CFAP97D1: variants seen among roughly 807,000 people sequenced by gnomAD.
CFAP97D1 encodes the protein CFAP97 domain containing 1, also known as sperm axonemal maintenance protein CFAP97D1.
CFAP97D1 carries 15 observed loss-of-function variants against 20.5 expected under a neutral mutation model. The observed-to-expected ratio is 0.73, with a 90% CI of 0.49 to 1.13. The LOEUF (loss-of-function observed/expected upper bound fraction) is 1.13. CFAP97D1 is among the 50% of genes most tolerant of loss of function. The pLI is 0.00. For missense variants in CFAP97D1, 168 were observed against 202.9 expected, an observed-to-expected ratio of 0.83 and a Z score of 1.04; for synonymous variants, 58 against 71.2, an observed-to-expected ratio of 0.82 and a Z score of 0.93.
At chr17:43,781,568 G>A (rs984736046) in intron 2 of CFAP97D1, among the ~76,000 whole-genome samples, 16 of 152,042 alleles carry the variant, frequency 1.1e-4, no homozygotes, top group African/African-American at 3.4e-4. Flanking sequence ...ATTACCTCCC[G>A]CCTGCCTCGG....
chr17:43,783,160 C>T lies in CFAP97D1; in HGVS notation c.315-20C>T, dbSNP rs1030203175. 2.3e-5 allele frequency: 36 copies of T among 1,551,368 alleles called. No homozygotes were observed. The highest frequency in any genetic ancestry group is 2.4e-5 in the East Asian group (1 of 40,940). ...TGAGCATTTCCTTCTTCACCCATTT[C>T]GGGGTTTTGTGTTTTTCAGCTTAAA... On this transcript the variant is annotated intron_variant, in intron 3 of 5. Transcript: ENST00000449302.
Position 43,781,805 on chromosome 17 carries a change from A to G in CFAP97D1, c.227A>G (p.Tyr76Cys). 6.4e-7 allele frequency: 1 copy of G among 1,551,670 alleles called. No homozygotes were observed. Among genetic ancestry groups the G allele is most frequent in the Middle Eastern group, 1.7e-4 (1 of 5,992 alleles). Residue 76 changes from tyrosine (Y) to cysteine (C), a missense_variant, in exon 3 of 6, where the codon TAT (tyrosine) becomes TGT (cysteine). By Grantham distance (194) the Tyr-to-Cys change is radical. Transcript: ENST00000449302. ...GEQKKINKIE[Y>C]ENKQLCQKIA... is the part of the protein sequence containing the mutation. ...CAAAAGAAAATCAACAAAATCGAGT[A>G]TGAAAACAAGCAACTGTGTCAGAAA...
chr17:43,783,119 C>A (rs775283032), intron 3 of CFAP97D1, 61 bp from the exon 4 acceptor site: 1 of 1,544,386 alleles, frequency 6.5e-7, no homozygotes, highest in East Asian at 2.4e-5. Context: ...GACTTCATCT[C>A]CCCCACTCGT....
chr17:43,783,153 C>T (rs1242838583), intron 3 of CFAP97D1, 27 bp from the exon 4 acceptor site: 1 of 1,551,480 alleles, frequency 6.4e-7, no homozygotes, highest in Admixed American at 2.0e-5. Context: ...TCCTTCTTCA[C>T]CCATTTCGGG....
In CFAP97D1 at chr17:43,784,399, A is replaced by G. The variant is rs934690899; in HGVS notation, c.*17A>G. 6.6e-6 allele frequency: 1 copy of G among 152,508 alleles called. No homozygotes were observed. The highest frequency in any genetic ancestry group is 1.5e-5 in the Non-Finnish European group (1 of 68,274). 9.4% of individuals were successfully genotyped at this position (152,508 alleles called of 1,614,324 possible). ...GAATACAAGGTTACTCACCATGGAAAAGATACAAGAGAAGGCCCTAGGATT... is the reference window on the plus strand; with the variant it reads ...GAATACAAGGTTACTCACCATGGAAGAGATACAAGAGAAGGCCCTAGGATT... On this transcript the variant is annotated 3_prime_UTR_variant, in exon 6 of 6. Coordinates refer to ENST00000449302, the MANE Select transcript of CFAP97D1 (RefSeq NM_001136483.3).
rs545286432 is a variant in CFAP97D1, at chr17:43,781,660, G to A, written c.196-114G>A. ...TTAAGTTCTGCTTCCAGTCTCCACT[G>A]TGGCCCTCAATGCACCCCTTTCCCA... On this transcript the variant is annotated intron_variant, in intron 2 of 5. Coordinates refer to ENST00000449302, the MANE Select transcript of CFAP97D1 (RefSeq NM_001136483.3). The A allele has an allele frequency of 4.2e-5, 31 of 733,690 alleles. 1 individual carries two copies. The highest frequency in any genetic ancestry group is 5.7e-5 in the Non-Finnish European group (24 of 419,970). The allele number at this position is 733,690 out of a possible 1,614,324, so 45.4% of individuals were successfully genotyped here. A position where few individuals can be genotyped will look rare whatever the true frequency, so the allele number is the denominator to read the frequency against.
Position 43,781,863 on chromosome 17 carries a change from G to A in CFAP97D1, c.285G>A (p.Val95=). ...IANAHRGPAK[V]DCWNEYFSKS... ...ATGCCCATCGCGGCCCTGCCAAGGT[G>A]GATTGCTGGAATGAATATTTTTCCA... Residue 95 remains valine, a synonymous_variant, in exon 3 of 6, where the codon GTG becomes GTA. Transcript: ENST00000449302. 6.4e-7 allele frequency: 1 copy of A among 1,550,622 alleles called. No individual in the cohort carries two copies. Among genetic ancestry groups the A allele is most frequent in the Non-Finnish European group, 8.7e-7 (1 of 1,146,026 alleles).
At position 43,781,643 on chromosome 17, in the gene CFAP97D1, T is replaced by TGCTTCCA. The variant is rs1039109016; in HGVS notation, c.196-129_196-123dup. On this transcript the variant is annotated intron_variant, in intron 2 of 5. Coordinates refer to ENST00000449302, the MANE Select transcript of CFAP97D1 (RefSeq NM_001136483.3). Reference sequence around the variant, plus strand: ...CCCGGCCGCCCAGTCTTTTAAGTTCTGCTTCCAGTCTCCACTGTGGCCCTC... The same window carrying TGCTTCCA: ...CCCGGCCGCCCAGTCTTTTAAGTTCTGCTTCCAGCTTCCAGTCTCCACTGTGGCCCTC... 106 of 680,412 alleles carry TGCTTCCA rather than the reference T, an allele frequency of 1.6e-4. 1 individual carries two copies. In the African/African-American group the frequency reaches 1.8e-3, roughly 11 times the overall value. 42.1% of individuals were successfully genotyped at this position (680,412 alleles called of 1,614,324 possible). A position where few individuals can be genotyped will look rare whatever the true frequency, so the allele number is the denominator to read the frequency against.
At chr17:43,784,167 A>G (rs1174601680) in intron 5 of CFAP97D1, among the ~76,000 whole-genome samples, 1 of 152,198 alleles carries the variant, frequency 6.6e-6, no homozygotes, top group African/African-American at 2.4e-5. Flanking sequence ...AAACTGGAAG[A>G]CCTGTGGCTT....
At chr17:43,781,651 G>A in intron 2 of CFAP97D1, 123 bp from the exon 3 acceptor site, 1 of 696,872 alleles carries the variant, frequency 1.4e-6, no homozygotes, top group Non-Finnish European at 2.5e-6. Context: ...TCTGCTTCCA[G>A]TCTCCACTGT....
intron 3 of CFAP97D1, among the ~76,000 whole-genome samples, chr17:43,782,416 C>T (rs1159610384): frequency 2.0e-5 from 3 of 152,150 alleles, no homozygotes; most frequent in Admixed American, 6.5e-5. Context: ...CAAAGGCCCA[C>T]CCCCTAATAC....
chr17:43,783,723 C>T, intron 4 of CFAP97D1, 114 bp from the exon 5 acceptor site: 2 of 793,656 alleles, frequency 2.5e-6, no homozygotes, highest in East Asian at 2.7e-5. Context: ...TTTAAAAAAC[C>T]TCCACTTACC....
At chr17:43,780,700 C>A in intron 1 of CFAP97D1, 114 bp downstream of exon 1, 1 of 1,208,342 alleles carries the variant, frequency 8.3e-7, no homozygotes, top group Admixed American at 2.4e-5. Context: ...ATGGCCTTAT[C>A]TGCTGAGTTT....
At position 43,781,129 on chromosome 17, in the gene CFAP97D1, T is replaced by C. The variant is rs569070960; in HGVS notation, c.135T>C (p.Thr45=). The C allele has an allele frequency of 1.3e-6, 2 of 1,551,430 alleles. No individual in the cohort carries two copies. The highest frequency in any genetic ancestry group is 1.7e-6 in the Non-Finnish European group (2 of 1,146,746). ...ATCCCCCTTCTCTAGCGAAGCCTAC[T>C]GTTGATACCAAACCTCCAGTGGCGC... ...HKNRIQIAKP[T]VDTKPPVAHT... The change falls in exon 2 of 6, where the codon ACT becomes ACC. Residue 45 remains threonine, a synonymous_variant. Coordinates refer to ENST00000449302, the MANE Select transcript of CFAP97D1 (RefSeq NM_001136483.3).
Position 43,783,236 on chromosome 17 carries a change from G to T in CFAP97D1, c.371G>T (p.Gly124Val). The stretch of plus-strand genomic sequence containing the variant: ...GTGAGAATCACCATGGAAAACCAGG[G>T]CATTCTGAAGAGGCTTGTTGATCGC... ...ELVRITMENQGILKRLVDRKP... is the reference protein window; with the variant it reads ...ELVRITMENQVILKRLVDRKP... The change falls in exon 4 of 6, where the codon GGC (glycine) becomes GTC (valine). Residue 124 changes from glycine to valine, a missense_variant. Transcript: ENST00000449302. The T allele has an allele frequency of 6.4e-7, 1 of 1,551,438 alleles. No individual in the cohort carries two copies.
intron 2 of CFAP97D1, among the ~76,000 whole-genome samples, 164 bp downstream of exon 2, chr17:43,781,353 CT>C (rs111911683): frequency 0.1 from 15,789 of 151,612 alleles, 1,005 homozygotes; most frequent in African/African-American, 0.17. Flanking sequence ...TTTTTCCCCC[CT>C]GATACGGAGT....
intron 3 of CFAP97D1, 139 bp downstream of exon 3, chr17:43,782,031 C>T (rs993891899): frequency 4.8e-6 from 3 of 628,704 alleles, no homozygotes; most frequent in Non-Finnish European, 8.5e-6. Context: ...CCATGTTACA[C>T]AGAATGAAAA....
intron 3 of CFAP97D1, 157 bp from the exon 4 acceptor site, chr17:43,783,023 A>G (rs942240734): frequency 1.7e-5 from 14 of 804,014 alleles, no homozygotes; most frequent in Non-Finnish European, 2.4e-5. Flanking sequence ...AGTGCAGTGC[A>G]GACCAACAGG....
intron 4 of CFAP97D1, among the ~76,000 whole-genome samples, chr17:43,783,540 T>C (rs2154590818): frequency 6.6e-6 from 1 of 151,624 alleles, no homozygotes; most frequent in East Asian, 1.9e-4. Flanking sequence ...ATAACAATTA[T>C]GTGTCAGTTT....
Sources: gnomAD v4.1 joint callset for allele counts (sites outside exome capture counted in the v4.1 genomes callset) on GRCh38, gnomAD v4.1.1 for gene constraint, MANE v1.5 for transcripts, NCBI Gene and HGNC (gene_info 2026-07-23, HGNC 2026-07-21) for gene names.